The following ANO3 variants were observed in gnomAD, a reference collection of about 807,000 sequenced individuals.
The protein encoded by ANO3 is anoctamin 3, also known as anoctamin-3.
A neutral mutation model predicts 144.8 loss-of-function variants in ANO3; 99 were observed. The ratio of observed to expected loss-of-function variants is 0.68; its 90% CI spans 0.58 to 0.81. The LOEUF (loss-of-function observed/expected upper bound fraction) is 0.81, where lower values mean the gene tolerates loss of function less well. Ranked by LOEUF, ANO3 falls within the 30% of genes least tolerant of loss-of-function variation. ANO3 has a pLI of 0.00. For missense variants in ANO3, 905 were observed against 1,202.2 expected (o/e 0.75, Z 3.66); for synonymous variants, 414 against 392.6 (o/e 1.05, Z -0.64).
chr11:26,367,004 G>C (rs534521528), intron 1 of ANO3, among the ~76,000 whole-genome samples: 2 of 152,098 alleles, frequency 1.3e-5, no homozygotes, highest in East Asian at 3.9e-4. Context: ...CAAGAAATGG[G>C]GAAAGGATTC....
At chr11:26,395,249 G>T (rs11827246) in intron 1 of ANO3, among the ~76,000 whole-genome samples, 21,827 of 152,018 alleles carry the variant, frequency 0.14, 1,691 homozygotes, top group South Asian at 0.27. Context: ...GATTGTCTTG[G>T]CTATATGGGT....
At chr11:26,371,605 G>A (rs1404131715) in intron 1 of ANO3, among the ~76,000 whole-genome samples, 1 of 152,198 alleles carries the variant, frequency 6.6e-6, no homozygotes, top group African/African-American at 2.4e-5. Context: ...AGCCAGGAGG[G>A]GGATTATATC....
At chr11:26,210,358 A>C (rs10834925) in intron 1 of ANO3, among the ~76,000 whole-genome samples, 53,485 of 152,038 alleles carry the variant, frequency 0.35, 9,696 homozygotes, top group Non-Finnish European at 0.38. Context: ...TGTGTTCATA[A>C]CAGTACCATC....
intron 4 of ANO3, among the ~76,000 whole-genome samples, chr11:26,473,557 T>A (rs754085511): frequency 2.0e-5 from 3 of 151,860 alleles, no homozygotes; most frequent in African/African-American, 2.4e-5. Flanking sequence ...ATTACAGGAA[T>A]TCCTGGTGAA....
chr11:26,563,221 T>G, intron 14 of ANO3: 1 of 1,611,852 alleles, frequency 6.2e-7, no homozygotes, highest in East Asian at 2.2e-5. Flanking sequence ...ACACCCAGAA[T>G]AGCACCTAAA....
At position 26,439,555 on chromosome 11, in the gene ANO3, C is replaced by T. The variant is rs117307348; in HGVS notation, c.47-2363C>T. ...AAAGCCACATAGAGTGATGTTTGCACGACTCTGTGCATATACTAAAAAGAG... is the reference window on the plus strand; with the variant it reads ...AAAGCCACATAGAGTGATGTTTGCATGACTCTGTGCATATACTAAAAAGAG... On this transcript the variant is annotated intron_variant, in intron 1 of 26. Coordinates refer to ENST00000256737, the MANE Select transcript of ANO3 (RefSeq NM_031418.4). 2.1e-3 allele frequency among the ~76,000 whole-genome samples: 322 copies of T among 152,232 alleles called. 2 individuals are homozygous for T. Among genetic ancestry groups the T allele is most frequent in the Non-Finnish European group, 3.6e-3 (242 of 68,010 alleles).
chr11:26,518,065 C>CA (rs1018884469), intron 6 of ANO3, among the ~76,000 whole-genome samples: 55 of 151,380 alleles, frequency 3.6e-4, no homozygotes, highest in African/African-American at 1.3e-3. Context: ...AGGATCTTGG[C>CA]AAAAAAAGAA....
chr11:26,220,268 A>C (rs12270121), intron 1 of ANO3, among the ~76,000 whole-genome samples: 1,681 of 152,322 alleles, frequency 0.011, 28 homozygotes, highest in African/African-American at 0.038. Context: ...GTCATGGCTA[A>C]AAGACATGGC....
At chr11:26,266,767 G>C (rs1039548547) in intron 1 of ANO3, among the ~76,000 whole-genome samples, 3 of 151,202 alleles carry the variant, frequency 2.0e-5, no homozygotes, top group Non-Finnish European at 4.4e-5. Context: ...CAGATGCAGA[G>C]TGGTCAGTGG....
chr11:26,350,196 C>A (rs1855607956), intron 1 of ANO3, among the ~76,000 whole-genome samples: 1 of 152,082 alleles, frequency 6.6e-6, no homozygotes, highest in African/African-American at 2.4e-5. Flanking sequence ...TTTAGGAGGA[C>A]TGTGGGTAAA....
At chr11:26,269,114 G>A (rs78478971) in intron 1 of ANO3, among the ~76,000 whole-genome samples, 41 of 152,174 alleles carry the variant, frequency 2.7e-4, no homozygotes, top group African/African-American at 8.7e-4. Context: ...ACCAGGAAAC[G>A]GCTCTCCACA....
intron 1 of ANO3, among the ~76,000 whole-genome samples, chr11:26,413,269 A>C (rs1252589724): frequency 1.3e-5 from 2 of 151,950 alleles, no homozygotes; most frequent in South Asian, 4.1e-4. Context: ...TCCTCCCTGA[A>C]TGCTTTTCAT....
chr11:26,267,959 A>G (rs1229877668), intron 1 of ANO3, among the ~76,000 whole-genome samples: 1 of 152,204 alleles, frequency 6.6e-6, no homozygotes, highest in African/African-American at 2.4e-5. Context: ...AATCCAAAGT[A>G]ATCTGTGAAT....
At chr11:26,441,370 G>A (rs529860574) in intron 1 of ANO3, among the ~76,000 whole-genome samples, 1 of 151,834 alleles carries the variant, frequency 6.6e-6, no homozygotes, top group Non-Finnish European at 1.5e-5. Context: ...GCCCGCCTCG[G>A]CCTCCCAAAG....
chr11:26,612,841 A>G (rs1470526468), intron 17 of ANO3, among the ~76,000 whole-genome samples: 1 of 152,016 alleles, frequency 6.6e-6, no homozygotes, highest in Non-Finnish European at 1.5e-5. Flanking sequence ...TCTGGCCTGC[A>G]GTTTCTGTTG....
At chr11:26,215,871 C>G (rs941116173) in intron 1 of ANO3, among the ~76,000 whole-genome samples, 13 of 151,924 alleles carry the variant, frequency 8.6e-5, no homozygotes, top group African/African-American at 2.9e-4. Context: ...ATCTACTATC[C>G]AATTATTTCC....
chr11:26,232,816 A>C (rs1852430609), intron 1 of ANO3, among the ~76,000 whole-genome samples: 2 of 152,238 alleles, frequency 1.3e-5, no homozygotes. Context: ...TCTGCACAGC[A>C]AAAGAAACTA....
intron 1 of ANO3, among the ~76,000 whole-genome samples, chr11:26,205,859 A>G (rs2133916483): frequency 6.6e-6 from 1 of 152,348 alleles, no homozygotes; most frequent in East Asian, 1.9e-4. Context: ...TTATACCGGC[A>G]CATGTTAAAA....
chr11:26,535,505 A>G (rs1849483571), intron 9 of ANO3, among the ~76,000 whole-genome samples: 1 of 151,364 alleles, frequency 6.6e-6, no homozygotes, highest in South Asian at 2.1e-4. Context: ...ACTGGTACCA[A>G]TCTCTACTGA....
Sources: gnomAD v4.1 joint callset for allele counts (sites outside exome capture counted in the v4.1 genomes callset) on GRCh38, gnomAD v4.1.1 for gene constraint, MANE v1.5 for transcripts, NCBI Gene and HGNC (gene_info 2026-07-23, HGNC 2026-07-21) for gene names.